Variants in STXBP2 observed in about 807,000 individuals in gnomAD.
STXBP2 encodes syntaxin binding protein 2, also known as syntaxin-binding protein 2.
STXBP2 carries 47 observed loss-of-function variants against 72.2 expected under a neutral mutation model. The observed-to-expected ratio is 0.65, with a 90% confidence interval of 0.51 to 0.83. The LOEUF is 0.83. Ranked by LOEUF, STXBP2 falls within the 40% of genes least tolerant of loss-of-function variation. STXBP2 has a pLI of 0.00. For missense variants in STXBP2, 702 were observed against 807.6 expected, an observed-to-expected ratio of 0.87 and a Z score of 1.58; for synonymous variants, 367 against 338.7, an observed-to-expected ratio of 1.08 and a Z score of -0.92.
Position 7,647,182 on chromosome 19 carries a change from G to C in STXBP2, c.1473G>C (p.Leu491=), listed in dbSNP as rs2032169662. 6.2e-7 allele frequency: 1 copy of C among 1,611,896 alleles called. No individual in the cohort carries two copies. Among genetic ancestry groups the C allele is most frequent in the Non-Finnish European group, 8.5e-7 (1 of 1,179,898 alleles). The part of the protein sequence containing the change: ...DVMEDAVEDR[L]DRNLWPFVSD... ...GCCAGGACGCCGTGGAGGACCGGCT[G>C]GACAGGAACCTGTGGCCCTTCGTAT... Residue 491 remains leucine (L), a synonymous_variant, in exon 17 of 19, where the codon CTG becomes CTC. Transcript: ENST00000221283.
In STXBP2 at chr19:7,640,782, A is replaced by C; in HGVS notation, c.298A>C (p.Lys100Gln). The change falls in exon 5 of 19, where the codon AAA becomes CAA. Residue 100 changes from lysine to glutamine, a missense_variant. Transcript: ENST00000221283. ...DFQGTPTFTY[K>Q]AAHIFFTDTC... ...CCAGGGGACCCCGACTTTCACCTAC[A>C]AAGCGGCCCATATCTTCTTCACCGA... 1.2e-6 allele frequency: 2 copies of C among 1,614,176 alleles called. No individual in the cohort carries two copies. The highest frequency in any genetic ancestry group is 1.7e-6 in the Non-Finnish European group (2 of 1,180,008).
chr19:7,644,510 C>T, intron 13 of STXBP2, 104 bp from the exon 14 acceptor site: 3 of 1,518,520 alleles, frequency 2.0e-6, no homozygotes, highest in Non-Finnish European at 2.7e-6. Context: ...AGGTAGGACC[C>T]AAATGTCCTC....
chr19:7,646,586 ATC>A, intron 16 of STXBP2: 1 of 598,910 alleles, frequency 1.7e-6, no homozygotes, highest in South Asian at 1.8e-5. Context: ...CCTCCGCTAT[ATC>A]TCTCTAGTCT....
intron 3 of STXBP2, 115 bp downstream of exon 3, chr19:7,639,215 C>A: frequency 9.0e-7 from 1 of 1,114,672 alleles, no homozygotes; most frequent in Non-Finnish European, 1.3e-6. Context: ...CCAGAACTCC[C>A]AAGTACGCAG....
the STXBP2 span, chr19:7,631,143 G>A: frequency 6.6e-6 from 6 of 908,518 alleles, no homozygotes; most frequent in Non-Finnish European, 9.5e-6. Context: ...AGGAGGTGGA[G>A]GTTGCAGTGA....
At chr19:7,631,736 CG>C in the STXBP2 span, 4 of 1,440,256 alleles carry the variant, frequency 2.8e-6, no homozygotes, top group Non-Finnish European at 3.7e-6. Flanking sequence ...CGACGGAAGC[CG>C]AGAGCGGTCG....
upstream of STXBP2, chr19:7,636,857 G>A (rs1268944817): frequency 5.5e-6 from 2 of 364,088 alleles, no homozygotes; most frequent in African/African-American, 4.2e-5. Context: ...ATTGCCCTGC[G>A]ATCCTGCTTC....
chr19:7,632,587 CCA>C, upstream of STXBP2: 2 of 1,598,626 alleles, frequency 1.3e-6, no homozygotes, highest in Non-Finnish European at 1.7e-6. This position sits in a 1 kb window ranked among gnomAD's most constrained non-coding sequence, Gnocchi z 5.2. Flanking sequence ...CCCTTCACCC[CCA>C]CACAGATGCT....
chr19:7,644,805 C>G, intron 14 of STXBP2, 53 bp downstream of exon 14: 1 of 1,612,150 alleles, frequency 6.2e-7, no homozygotes, highest in Non-Finnish European at 8.5e-7. Flanking sequence ...GCGTCTCCCA[C>G]GATCCTGGGA....
At position 7,642,948 on chromosome 19, in the gene STXBP2, C is replaced by A. The variant is rs372583367; in HGVS notation, c.961-35C>A. 32 of 1,613,742 alleles carry A rather than the reference C, an allele frequency of 2.0e-5. No individual in the cohort carries two copies. The highest frequency in any genetic ancestry group is 2.7e-5 in the Non-Finnish European group (32 of 1,179,766). The stretch of plus-strand genomic sequence containing the variant: ...CAGGTGGGCACTGCCTGGCTTCGCC[C>A]CCCAATCCCTACCCTCTTCCCCCTA... On this transcript the variant is annotated intron_variant, in intron 11 of 18. Transcript: ENST00000221283. This position sits in a 1 kb window ranked among gnomAD's most constrained non-coding sequence, Gnocchi z 6.0.
chr19:7,643,134 T>A (rs1437686899), intron 12 of STXBP2, 31 bp from the exon 13 acceptor site: 1 of 1,614,018 alleles, frequency 6.2e-7, no homozygotes, highest in Non-Finnish European at 8.5e-7. Context: ...CAGCCTTTGT[T>A]ATCCCCCAAC....
chr19:7,631,614 CTTGTTATTCATTT>C, the STXBP2 span: 1 of 1,469,924 alleles, frequency 6.8e-7, no homozygotes, highest in South Asian at 1.3e-5. Context: ...TACTCAGTTC[CTTGTTATTCATTT>C]AAGTGTTTTA....
In STXBP2 at chr19:7,643,110, G is replaced by C. The variant is rs374885065; in HGVS notation, c.1027-55G>C. ...CCCCTCAACCCCATGCTCTGTCTGC[G>C]TTCTGCCTTGACTCAGCCTTTGTTA... On this transcript the variant is annotated intron_variant, in intron 12 of 18. Coordinates refer to ENST00000221283, the MANE Select transcript of STXBP2 (RefSeq NM_006949.4). The C allele has an allele frequency of 1.9e-6, 3 of 1,613,862 alleles. No homozygotes were observed. The African/African-American group carries it at 4.0e-5, about 22-fold the overall frequency.
chr19:7,643,332 C>G, intron 13 of STXBP2, 87 bp downstream of exon 13: 17 of 1,101,728 alleles, frequency 1.5e-5, no homozygotes, highest in South Asian at 8.9e-5. Flanking sequence ...ATGGGGGGTT[C>G]TGGGGGAGGG....
At chr19:7,631,391 G>T in the STXBP2 span, 1 of 1,277,244 alleles carries the variant, frequency 7.8e-7, no homozygotes, top group Non-Finnish European at 1.1e-6. Flanking sequence ...GGTGGTGGGA[G>T]AGGTGGGCGG....
At chr19:7,641,462 A>G (rs765764007) in intron 6 of STXBP2, among the ~76,000 whole-genome samples, 34 of 152,166 alleles carry the variant, frequency 2.2e-4, no homozygotes, top group Non-Finnish European at 4.1e-4. Context: ...AGGCCCTTGC[A>G]GGGGGCAGCG....
At chr19:7,633,392 G>A (rs776413538), upstream of STXBP2, 55 of 1,563,306 alleles carry the variant, frequency 3.5e-5, no homozygotes, top group East Asian at 2.3e-4. Context: ...TGGGGTGGGG[G>A]CAGGGCCCTC....
rs943432802 is a variant in STXBP2 at position 7,640,500 on chromosome 19, C to T, written c.247-231C>T. The T allele has an allele frequency of 1.2e-5, 7 of 588,366 alleles. No individual in the cohort carries two copies. In the East Asian group the frequency reaches 1.4e-4, roughly 12 times the overall value. 36.4% of individuals were successfully genotyped at this position (588,366 alleles called of 1,614,324 possible). On this transcript the variant is annotated intron_variant, in intron 4 of 18. Coordinates refer to ENST00000221283, the MANE Select transcript of STXBP2 (RefSeq NM_006949.4). Reference sequence around the variant, plus strand: ...TGCATGTGTGTATGTGTGTGTGCATCTGTGTGTGTGTGCATGTGTGCATGC... The same window carrying T: ...TGCATGTGTGTATGTGTGTGTGCATTTGTGTGTGTGTGCATGTGTGCATGC...
intron 1 of STXBP2, among the ~76,000 whole-genome samples, chr19:7,637,391 G>A (rs1182174255): frequency 6.6e-6 from 1 of 152,130 alleles, no homozygotes; most frequent in Non-Finnish European, 1.5e-5. Flanking sequence ...AACAAAATTG[G>A]GGGGCCGGAC....
Sources: allele counts gnomAD v4.1 joint callset (sites outside exome capture counted in the v4.1 genomes callset), GRCh38; gene constraint gnomAD v4.1.1; non-coding constraint Gnocchi (gnomAD v3.1); transcripts MANE v1.5; gene names NCBI Gene and HGNC (gene_info 2026-07-23, HGNC 2026-07-21).